The following SPAG16 variants were observed in gnomAD, a reference collection of about 807,000 sequenced individuals.
SPAG16 encodes sperm associated antigen 16, also known as sperm-associated antigen 16 protein.
A neutral mutation model predicts 80.4 loss-of-function variants in SPAG16; 86 were observed. That is an observed-to-expected ratio of 1.07 (90% CI 0.90 to 1.28). SPAG16 has a LOEUF of 1.28. SPAG16 is among the 50% of genes most tolerant of loss of function. SPAG16 has a pLI of 0.00. For missense variants in SPAG16, 870 were observed against 765.3 expected, an observed-to-expected ratio of 1.14 and a Z score of -1.61; for synonymous variants, 294 against 265.9, an observed-to-expected ratio of 1.11 and a Z score of -1.03.
In SPAG16 at chr2:213,929,938, CTT is replaced by C; in HGVS notation, c.1215-18_1215-17del. 1 of 1,596,810 alleles carries C rather than the reference CTT, an allele frequency of 6.3e-7. No individual in the cohort carries two copies. Among genetic ancestry groups the C allele is most frequent in the Non-Finnish European group, 8.5e-7 (1 of 1,170,238 alleles). ...TTATGTTACTTTTTAAACAAGCTGT[CTT>C]TTTATGTTTTTGCAAATAGTGGCGA... is the stretch of plus-strand genomic sequence containing the variant. On this transcript the variant is annotated intron_variant, in intron 11 of 15. Coordinates refer to ENST00000331683, the MANE Select transcript of SPAG16 (RefSeq NM_024532.5).
chr2:213,638,992 A>G (rs566927405), intron 10 of SPAG16, among the ~76,000 whole-genome samples: 2 of 152,304 alleles, frequency 1.3e-5, no homozygotes, highest in East Asian at 1.9e-4. Context: ...TCATTTTTAT[A>G]TAATGTTCCT....
intron 11 of SPAG16, among the ~76,000 whole-genome samples, chr2:213,891,283 T>G (rs1239386350): frequency 7.2e-5 from 11 of 152,104 alleles, no homozygotes; most frequent in Admixed American, 7.2e-4. Context: ...ATGCATGCTG[T>G]ATAGTCCCAA....
At chr2:213,342,307 T>TATATATATATATGAC (rs1559430372) in intron 6 of SPAG16, among the ~76,000 whole-genome samples, 1 of 145,600 alleles carries the variant, frequency 6.9e-6, no homozygotes, top group African/African-American at 2.5e-5. Flanking sequence ...GACATATGTG[T>TATATATATATATGAC]ATATATATGT....
At chr2:213,922,458 T>C (rs1427130359) in intron 11 of SPAG16, among the ~76,000 whole-genome samples, 1 of 152,194 alleles carries the variant, frequency 6.6e-6, no homozygotes, top group Non-Finnish European at 1.5e-5. Flanking sequence ...CTTCCTTGGA[T>C]TGGGTTTTGC....
intron 10 of SPAG16, among the ~76,000 whole-genome samples, chr2:213,731,792 C>A: frequency 6.6e-6 from 1 of 152,194 alleles, no homozygotes; most frequent in East Asian, 1.9e-4. Flanking sequence ...GATATGATCT[C>A]ATTCCTTTTT....
intron 10 of SPAG16, among the ~76,000 whole-genome samples, chr2:213,796,094 C>G (rs1318816434): frequency 6.6e-6 from 1 of 152,084 alleles, no homozygotes; most frequent in Non-Finnish European, 1.5e-5. Flanking sequence ...CAACTCCCCC[C>G]AAAATGGTTA....
chr2:213,524,669 G>A (rs190906164), intron 10 of SPAG16, among the ~76,000 whole-genome samples: 1 of 152,328 alleles, frequency 6.6e-6, no homozygotes, highest in East Asian at 1.9e-4. Flanking sequence ...TTCCTGACTG[G>A]ATTTCGGACT....
At chr2:213,631,822 T>C (rs1447970074) in intron 10 of SPAG16, among the ~76,000 whole-genome samples, 1 of 152,102 alleles carries the variant, frequency 6.6e-6, no homozygotes. Flanking sequence ...CTAGGTTTTC[T>C]ATTTTGTTCT....
intron 13 of SPAG16, among the ~76,000 whole-genome samples, chr2:214,101,297 C>G (rs1559793468): frequency 6.6e-6 from 1 of 151,950 alleles, no homozygotes; most frequent in African/African-American, 2.4e-5. Context: ...CCAATTCTCA[C>G]AACATGTGTG....
intron 5 of SPAG16, among the ~76,000 whole-genome samples, chr2:213,331,093 CA>C (rs974131648): frequency 2.4e-4 from 37 of 152,216 alleles, no homozygotes; most frequent in African/African-American, 8.0e-4. Flanking sequence ...CTCCATCTAT[CA>C]GGGGTAGAGA....
At chr2:213,429,844 GC>G (rs2070180357) in intron 9 of SPAG16, among the ~76,000 whole-genome samples, 2 of 151,968 alleles carry the variant, frequency 1.3e-5, no homozygotes, top group Admixed American at 1.3e-4. Flanking sequence ...TAAAAGTCCT[GC>G]CCCCAAGAAA....
At chr2:214,401,594 G>C (rs1488133158) in intron 15 of SPAG16, among the ~76,000 whole-genome samples, 2 of 151,876 alleles carry the variant, frequency 1.3e-5, no homozygotes, top group Non-Finnish European at 2.9e-5. Context: ...AATTACTGAA[G>C]TTATTGTAAT....
chr2:214,180,912 C>A (rs2057290804), intron 15 of SPAG16, among the ~76,000 whole-genome samples: 1 of 151,666 alleles, frequency 6.6e-6, no homozygotes, highest in Non-Finnish European at 1.5e-5. Context: ...AACCTGGGAT[C>A]ATTTTGGGCC....
intron 11 of SPAG16, among the ~76,000 whole-genome samples, 198 bp from the exon 12 acceptor site, chr2:213,929,762 G>A (rs143347051): frequency 6.6e-6 from 1 of 152,206 alleles, no homozygotes; most frequent in East Asian, 1.9e-4. Flanking sequence ...TCTCTCTTCA[G>A]CTTGAATTAC....
At chr2:213,976,335 C>T (rs1422852425) in intron 12 of SPAG16, among the ~76,000 whole-genome samples, 8 of 150,178 alleles carry the variant, frequency 5.3e-5, no homozygotes, top group Non-Finnish European at 7.4e-5. Context: ...CATGTGTGCA[C>T]ATATATATAT....
intron 10 of SPAG16, among the ~76,000 whole-genome samples, chr2:213,758,731 GA>G (rs1363607978): frequency 6.6e-6 from 1 of 151,992 alleles, no homozygotes; most frequent in African/African-American, 2.4e-5. Flanking sequence ...AGAGGAGAAA[GA>G]GAAGAGAAAA....
chr2:214,048,507 A>G (rs2049461380), intron 13 of SPAG16, among the ~76,000 whole-genome samples: 1 of 152,096 alleles, frequency 6.6e-6, no homozygotes, highest in Non-Finnish European at 1.5e-5. Flanking sequence ...AAAAATTAAA[A>G]CAATTGAACC....
chr2:213,978,219 C>A (rs112300425), intron 12 of SPAG16, among the ~76,000 whole-genome samples: 2,011 of 152,150 alleles, frequency 0.013, 49 homozygotes, highest in African/African-American at 0.046. Context: ...TTACTCTAAA[C>A]AGAGTATATT....
intron 15 of SPAG16, among the ~76,000 whole-genome samples, chr2:214,359,029 G>T (rs1000748081): frequency 1.3e-5 from 2 of 151,748 alleles, no homozygotes; most frequent in African/African-American, 4.8e-5. Flanking sequence ...ATCAGTTATT[G>T]AAGGCATAAT....
Sources: gnomAD v4.1 joint callset for allele counts (sites outside exome capture counted in the v4.1 genomes callset) on GRCh38, gnomAD v4.1.1 for gene constraint, MANE v1.5 for transcripts, NCBI Gene and HGNC (gene_info 2026-07-23, HGNC 2026-07-21) for gene names.